The following CCDC158 variants were observed in gnomAD, a reference collection of about 807,000 sequenced individuals.
CCDC158 encodes coiled-coil domain-containing protein 158.
Under a neutral mutation model 138.6 loss-of-function variants are expected in CCDC158, and 116 were observed. That is an observed-to-expected ratio of 0.84 (90% CI 0.72 to 0.98). CCDC158 has a LOEUF of 0.98. Among genes scored for constraint, CCDC158 ranks in the 50% least tolerant of loss-of-function variants. CCDC158 has a pLI of 0.00. For missense variants in CCDC158, 1,265 were observed against 1,306.1 expected, an observed-to-expected ratio of 0.97 and a Z score of 0.48; for synonymous variants, 436 against 442.4, an observed-to-expected ratio of 0.99 and a Z score of 0.18.
chr4:76,313,262 A>G lies in CCDC158; in HGVS notation c.3278-16T>C. ...GAAGACATTGCTGAAAATGTTGATA[A>G]AACAGTTAGAATAACAAAATCTACT... On this transcript the variant is annotated splice_polypyrimidine_tract_variant and intron_variant, in intron 24 of 24. Transcript: ENST00000682701. 1.3e-6 allele frequency: 2 copies of G among 1,511,634 alleles called. No homozygotes were observed. The highest frequency in any genetic ancestry group is 1.2e-5 in the South Asian group (1 of 86,306). 93.6% of individuals were successfully genotyped at this position (1,511,634 alleles called of 1,614,324 possible). A position where few individuals can be genotyped will look rare whatever the true frequency, so the allele number is the denominator to read the frequency against.
intron 8 of CCDC158, among the ~76,000 whole-genome samples, chr4:76,380,586 A>C (rs2110293911): frequency 6.6e-6 from 1 of 152,350 alleles, no homozygotes; most frequent in East Asian, 1.9e-4. Flanking sequence ...GTGAAATTGC[A>C]ACTTCTATTT....
At chr4:76,320,784 C>A (rs1719921458) in intron 24 of CCDC158, among the ~76,000 whole-genome samples, 1 of 151,950 alleles carries the variant, frequency 6.6e-6, no homozygotes, top group Non-Finnish European at 1.5e-5. Flanking sequence ...AAGACCTAAA[C>A]CTAAGACCTG....
intron 13 of CCDC158, among the ~76,000 whole-genome samples, chr4:76,358,772 A>T (rs1263498050): frequency 1.3e-5 from 2 of 152,068 alleles, no homozygotes; most frequent in African/African-American, 4.8e-5. Context: ...CACACTGGTT[A>T]TTCACCCATT....
At chr4:76,390,706 C>G (rs922950622) in intron 4 of CCDC158, among the ~76,000 whole-genome samples, 1 of 151,866 alleles carries the variant, frequency 6.6e-6, no homozygotes, top group African/African-American at 2.4e-5. Context: ...GATTAAAAAA[C>G]AAGACTCAAT....
chr4:76,383,123 A>T (rs1034396771), intron 7 of CCDC158, among the ~76,000 whole-genome samples: 4 of 152,146 alleles, frequency 2.6e-5, no homozygotes, highest in African/African-American at 9.7e-5. Flanking sequence ...GAGTGACAAA[A>T]ACTCTCTCCT....
At chr4:76,318,901 G>A (rs1719664556) in intron 24 of CCDC158, among the ~76,000 whole-genome samples, 3 of 152,312 alleles carry the variant, frequency 2.0e-5, no homozygotes, top group South Asian at 4.1e-4. Context: ...AGGCCAAGGT[G>A]GGCAGATCAC....
At chr4:76,418,579 C>T (rs4859670) in intron 1 of CCDC158, among the ~76,000 whole-genome samples, 89,791 of 151,954 alleles carry the variant, frequency 0.59, 27,750 homozygotes, top group East Asian at 0.8. Context: ...GGAGGCCTCA[C>T]GATCATGGAG....
chr4:76,369,663 A>G (rs1459533292), intron 10 of CCDC158, 40 bp from the exon 11 acceptor site: 2 of 1,541,572 alleles, frequency 1.3e-6, no homozygotes, highest in South Asian at 1.1e-5. Context: ...CCCTGCTATT[A>G]AATAATTAAG....
chr4:76,404,348 A>C (rs997251292), intron 2 of CCDC158, among the ~76,000 whole-genome samples: 1 of 152,218 alleles, frequency 6.6e-6, no homozygotes, highest in African/African-American at 2.4e-5. Flanking sequence ...ACATGAATAC[A>C]ATCTTTTCTG....
intron 9 of CCDC158, chr4:76,375,579 T>G (rs551018470): frequency 2.3e-5 from 16 of 702,884 alleles, no homozygotes; most frequent in South Asian, 2.2e-4. Flanking sequence ...AAATAAATGC[T>G]GAATCAACAT....
intron 18 of CCDC158, among the ~76,000 whole-genome samples, chr4:76,341,696 G>A (rs1013940133): frequency 2.6e-5 from 4 of 152,160 alleles, no homozygotes; most frequent in Non-Finnish European, 4.4e-5. Flanking sequence ...ACATATATGT[G>A]TATATGTATG....
intron 3 of CCDC158, 101 bp downstream of exon 3, chr4:76,403,037 A>G (rs1305254844): frequency 1.3e-6 from 1 of 772,542 alleles, no homozygotes; most frequent in African/African-American, 1.8e-5. Flanking sequence ...ATGGTCTGTA[A>G]CCCACATGGT....
At chr4:76,360,186 G>C (rs962353231) in intron 13 of CCDC158, among the ~76,000 whole-genome samples, 1 of 152,228 alleles carries the variant, frequency 6.6e-6, no homozygotes, top group Non-Finnish European at 1.5e-5. Flanking sequence ...TGCACAGAGG[G>C]CAAGAGTTGA....
At position 76,387,683 on chromosome 4, in the gene CCDC158, C is replaced by T. The variant is rs186086673; in HGVS notation, c.289-3018G>A. 1.2e-3 allele frequency among the ~76,000 whole-genome samples: 183 copies of T among 151,968 alleles called. 1 individual carries two copies. The highest frequency in any genetic ancestry group is 0.01 in the Middle Eastern group (3 of 294). On this transcript the variant is annotated intron_variant, in intron 4 of 24. Transcript: ENST00000682701. ...ACTAAAAATACAAAAATTAGCCGGG[C>T]GTGGTGGTGCGCGCCTGTAATCCCA...
chr4:76,351,246 T>C, intron 17 of CCDC158, 125 bp from the exon 18 acceptor site: 4 of 880,126 alleles, frequency 4.5e-6, no homozygotes, highest in Admixed American at 2.9e-5. Context: ...AATATGTCTG[T>C]AGCTTTAAAG....
Position 76,419,925 on chromosome 4 carries a change from A to G in CCDC158, c.-117+1040T>C, listed in dbSNP as rs548736679. Among the ~76,000 whole-genome samples the G allele has an allele frequency of 3.4e-5, 5 of 147,814 alleles. No homozygotes were observed. The East Asian group carries it at 7.9e-4, about 23-fold the overall frequency. ...CCTGTTTAATAAATGGTGGAGGTCT[A>G]AAGTGGCTCACTCATAACATACTAG... On this transcript the variant is annotated intron_variant, in intron 1 of 24. Transcript: ENST00000682701.
At chr4:76,416,176 AG>A (rs1311096249) in intron 1 of CCDC158, among the ~76,000 whole-genome samples, 4 of 152,162 alleles carry the variant, frequency 2.6e-5, no homozygotes, top group Non-Finnish European at 4.4e-5. Flanking sequence ...GCTGCCAGGC[AG>A]GGAACGGCCC....
At chr4:76,385,499 C>T (rs942618026) in intron 4 of CCDC158, among the ~76,000 whole-genome samples, 2 of 151,610 alleles carry the variant, frequency 1.3e-5, no homozygotes, top group Admixed American at 6.6e-5. Flanking sequence ...GAAAGGGTCA[C>T]GAAAATTAAA....
At chr4:76,374,760 G>A (rs1725563488) in intron 9 of CCDC158, among the ~76,000 whole-genome samples, 1 of 151,516 alleles carries the variant, frequency 6.6e-6, no homozygotes, top group Non-Finnish European at 1.5e-5. Flanking sequence ...TTGTATATAT[G>A]CTTTAAAAGC....
Sources: gnomAD v4.1 joint callset for allele counts (sites outside exome capture counted in the v4.1 genomes callset) on GRCh38, gnomAD v4.1.1 for gene constraint, MANE v1.5 for transcripts, NCBI Gene and HGNC (gene_info 2026-07-23, HGNC 2026-07-21) for gene names.